The following SHANK2 variants were observed in gnomAD, a reference collection of about 807,000 sequenced individuals.
SHANK2 encodes the protein SH3 and multiple ankyrin repeat domains protein 2.
SHANK2 carries 43 observed loss-of-function variants against 133.7 expected under a neutral mutation model. The observed-to-expected ratio is 0.32, with a 90% confidence interval of 0.25 to 0.41. The LOEUF is 0.41. Among genes scored for constraint, SHANK2 ranks in the 10% least tolerant of loss-of-function variants. SHANK2 has a pLI of 1.00. For synonymous variants in SHANK2, 1,017 were observed against 952.8 expected (o/e 1.07, Z -1.24); for missense variants, 1,994 against 2,235.8 (o/e 0.89, Z 2.18).
At chr11:70,760,587 G>T (rs951636815) in intron 14 of SHANK2, among the ~76,000 whole-genome samples, 1 of 152,230 alleles carries the variant, frequency 6.6e-6, no homozygotes. Flanking sequence ...ACTGGTCATG[G>T]GTGGGGCCAG....
At chr11:70,887,930 C>T (rs1007797) in intron 11 of SHANK2, among the ~76,000 whole-genome samples, 106,174 of 152,110 alleles carry the variant, frequency 0.7, 42,630 homozygotes, top group Non-Finnish European at 0.88. Context: ...TTTGCCCTGA[C>T]GCCAAAGCAT....
intron 11 of SHANK2, among the ~76,000 whole-genome samples, chr11:70,827,537 G>GAGA (rs1309172694): frequency 6.6e-6 from 1 of 152,052 alleles, no homozygotes; most frequent in Non-Finnish European, 1.5e-5. Flanking sequence ...TCTACACCAG[G>GAGA]AGAAGGAGCT....
intron 17 of SHANK2, among the ~76,000 whole-genome samples, chr11:70,657,691 G>T (rs1050227906): frequency 6.6e-6 from 1 of 152,170 alleles, no homozygotes; most frequent in Non-Finnish European, 1.5e-5. Context: ...TGCATCTCAG[G>T]ACCAGCCATT....
intron 2 of SHANK2, among the ~76,000 whole-genome samples, chr11:71,183,734 G>A (rs904574275): frequency 6.6e-6 from 1 of 152,144 alleles, no homozygotes; most frequent in Non-Finnish European, 1.5e-5. Flanking sequence ...CAGCATGCTG[G>A]GAAACTTCAG....
intron 17 of SHANK2, among the ~76,000 whole-genome samples, chr11:70,659,417 A>G (rs546723099): frequency 6.6e-6 from 1 of 152,228 alleles, no homozygotes; most frequent in Admixed American, 6.5e-5. Context: ...TCACGCCAGC[A>G]ACTGCCACAC....
chr11:70,636,333 G>A (rs1407287128), intron 17 of SHANK2, among the ~76,000 whole-genome samples: 1 of 152,202 alleles, frequency 6.6e-6, no homozygotes, highest in Non-Finnish European at 1.5e-5. Flanking sequence ...ATGTTAGCAT[G>A]TGTGAATGCG....
chr11:70,531,388 C>T (rs1458986449), intron 17 of SHANK2, among the ~76,000 whole-genome samples: 2 of 152,184 alleles, frequency 1.3e-5, no homozygotes, highest in Non-Finnish European at 2.9e-5. Flanking sequence ...AATGCACCCA[C>T]GCGCCCGGGG....
chr11:70,687,824 C>T (rs895861667), intron 15 of SHANK2, among the ~76,000 whole-genome samples: 2 of 152,202 alleles, frequency 1.3e-5, no homozygotes, highest in Admixed American at 6.5e-5. Context: ...TCAGTGGGGC[C>T]CTGCCTGAAG....
chr11:71,145,399 G>A (rs1952624775), intron 3 of SHANK2, among the ~76,000 whole-genome samples: 1 of 152,246 alleles, frequency 6.6e-6, no homozygotes, highest in Non-Finnish European at 1.5e-5. Context: ...GGCTGCATGT[G>A]GCCCACGGGC....
At chr11:71,247,492 A>C (rs1405625123) in intron 1 of SHANK2, among the ~76,000 whole-genome samples, 6 of 151,536 alleles carry the variant, frequency 4.0e-5, no homozygotes, top group Non-Finnish European at 7.4e-5. Context: ...TTTAAAAAAA[A>C]CAACACTTTC....
intron 12 of SHANK2, among the ~76,000 whole-genome samples, chr11:70,812,427 C>T (rs1948298646): frequency 6.6e-6 from 1 of 152,176 alleles, no homozygotes; most frequent in Non-Finnish European, 1.5e-5. Flanking sequence ...AAGGTGAAAA[C>T]TTTTGTCCCC....
At chr11:70,600,255 C>T (rs943968493) in intron 17 of SHANK2, among the ~76,000 whole-genome samples, 1 of 151,524 alleles carries the variant, frequency 6.6e-6, no homozygotes, top group Non-Finnish European at 1.5e-5. Context: ...CCTGTCTCTA[C>T]TAAGAACACA....
intron 10 of SHANK2, among the ~76,000 whole-genome samples, chr11:70,950,623 TC>T (rs1555086340): frequency 6.6e-6 from 1 of 150,488 alleles, no homozygotes; most frequent in Non-Finnish European, 1.5e-5. Flanking sequence ...ATTTTTTTTT[TC>T]TCAGACAGGA....
At chr11:70,805,552 G>A (rs1948139840) in intron 13 of SHANK2, among the ~76,000 whole-genome samples, 1 of 152,242 alleles carries the variant, frequency 6.6e-6, no homozygotes, top group Non-Finnish European at 1.5e-5. Context: ...CAGTGGGGAG[G>A]AGGGAAGGTG....
chr11:71,078,084 G>A (rs1951245020), intron 8 of SHANK2, among the ~76,000 whole-genome samples: 2 of 151,798 alleles, frequency 1.3e-5, no homozygotes, highest in African/African-American at 4.8e-5. Context: ...AAAGAATCAG[G>A]CTCCTTGGAG....
At chr11:70,608,197 G>C (rs2060605638) in intron 17 of SHANK2, among the ~76,000 whole-genome samples, 2 of 152,174 alleles carry the variant, frequency 1.3e-5, no homozygotes, top group Admixed American at 1.3e-4. Flanking sequence ...ACGTAGCCCA[G>C]CCTGAGCTCA....
chr11:70,527,403 G>T (rs112522430), intron 17 of SHANK2, among the ~76,000 whole-genome samples: 2,971 of 152,294 alleles, frequency 0.02, 111 homozygotes, highest in African/African-American at 0.068. Flanking sequence ...GACCCCCATG[G>T]TCCCCGCTTC....
intron 17 of SHANK2, among the ~76,000 whole-genome samples, chr11:70,612,654 A>G (rs1554994630): frequency 6.6e-6 from 1 of 152,212 alleles, no homozygotes; most frequent in East Asian, 1.9e-4. Context: ...CCCGGCAGCC[A>G]CCTTCCTCCC....
Position 70,500,739 on chromosome 11 carries a change from C to T in SHANK2, c.2288-149G>A, listed in dbSNP as rs781800885. 3.2e-5 allele frequency: 32 copies of T among 1,002,478 alleles called. No homozygotes were observed. Among genetic ancestry groups the T allele is most frequent in the East Asian group, 7.8e-5 (3 of 38,436 alleles). The allele number at this position is 1,002,478 out of a possible 1,614,324, so 62.1% of individuals were successfully genotyped here. On this transcript the variant is annotated intron_variant, in intron 20 of 25. Transcript: ENST00000601538. The surrounding 1 kb of genome is among the most constrained non-coding windows in gnomAD (Gnocchi z 4.5). ...CAGGGGCTGTCTGGAACGCTGCGAA[C>T]GCAGGCTGCGCTATCCATGGAGTGG...
Sources: gnomAD v4.1 joint callset for allele counts (sites outside exome capture counted in the v4.1 genomes callset) on GRCh38, gnomAD v4.1.1 for gene constraint, Gnocchi (gnomAD v3.1) non-coding constraint, MANE v1.5 for transcripts, NCBI Gene and HGNC (gene_info 2026-07-23, HGNC 2026-07-21) for gene names.